NAALADL2: variants seen among roughly 807,000 people sequenced by gnomAD.
NAALADL2 encodes the protein N-acetylated alpha-linked acidic dipeptidase like 2.
In NAALADL2, 76 loss-of-function variants were observed where a neutral mutation model predicts 87.2. The ratio of observed to expected loss-of-function variants is 0.87; its 90% CI spans 0.72 to 1.05. The LOEUF (loss-of-function observed/expected upper bound fraction) is 1.05, where lower values mean the gene tolerates loss of function less well. Ranked by LOEUF, NAALADL2 falls within the 50% of genes least tolerant of loss-of-function variation. The probability of loss-of-function intolerance (pLI) is 0.00; values close to 1 mark genes in which losing one functional copy is unlikely to be tolerated. For missense variants in NAALADL2, 1,089 were observed against 945.8 expected, an observed-to-expected ratio of 1.15 and a Z score of -1.99; for synonymous variants, 354 against 331.0, an observed-to-expected ratio of 1.07 and a Z score of -0.75.
intron 1 of NAALADL2, among the ~76,000 whole-genome samples, chr3:175,002,561 A>G (rs1748398881): frequency 6.6e-6 from 1 of 152,182 alleles, no homozygotes. Flanking sequence ...ATCTCTCACA[A>G]TGAGCTGAAA....
chr3:175,728,463 G>C (rs1463767839), intron 11 of NAALADL2, among the ~76,000 whole-genome samples: 1 of 152,164 alleles, frequency 6.6e-6, no homozygotes, highest in Non-Finnish European at 1.5e-5. Context: ...GGATACTGCA[G>C]CTTTGGAAAG....
chr3:175,239,087 A>T (rs774678006), intron 3 of NAALADL2, among the ~76,000 whole-genome samples: 1 of 152,130 alleles, frequency 6.6e-6, no homozygotes, highest in Non-Finnish European at 1.5e-5. Context: ...TCAAAAACCT[A>T]CTTAGTGCCA....
At chr3:175,267,352 C>A (rs890745591) in intron 4 of NAALADL2, among the ~76,000 whole-genome samples, 1 of 151,960 alleles carries the variant, frequency 6.6e-6, no homozygotes, top group Non-Finnish European at 1.5e-5. Context: ...AAGGAACACA[C>A]CCTAATAAGG....
chr3:174,902,494 CTAAAA>C (rs933052644), intron 1 of NAALADL2, among the ~76,000 whole-genome samples: 4 of 151,802 alleles, frequency 2.6e-5, no homozygotes, highest in Non-Finnish European at 5.9e-5. Flanking sequence ...AATTCAGACT[CTAAAA>C]TAACTCAAAA....
intron 1 of NAALADL2, among the ~76,000 whole-genome samples, chr3:174,913,247 C>G (rs1270824812): frequency 6.6e-6 from 1 of 152,004 alleles, no homozygotes; most frequent in African/African-American, 2.4e-5. Context: ...ATTGCTAAAC[C>G]CTTCTTTAAT....
At chr3:175,522,525 C>T (rs1288440590) in intron 9 of NAALADL2, among the ~76,000 whole-genome samples, 1 of 152,178 alleles carries the variant, frequency 6.6e-6, no homozygotes, top group Non-Finnish European at 1.5e-5. Flanking sequence ...AGACTAGTGA[C>T]ATCTCAGTGA....
chr3:175,801,896 T>C (rs1327378813), intron 13 of NAALADL2, among the ~76,000 whole-genome samples: 1 of 152,122 alleles, frequency 6.6e-6, no homozygotes, highest in African/African-American at 2.4e-5. Context: ...GCAATTTGAC[T>C]AAGTTACAGG....
At chr3:175,737,719 T>TTTG (rs1553962792) in intron 12 of NAALADL2, among the ~76,000 whole-genome samples, 3 of 135,870 alleles carry the variant, frequency 2.2e-5, no homozygotes, top group Admixed American at 7.3e-5. Context: ...ATCCAGTTTT[T>TTTG]TTTTTTTTTT....
rs531886282 is a variant in NAALADL2 at position 174,465,166 on chromosome 3, A to G, written c.-184+24134A>G. On this transcript the variant is annotated intron_variant, in intron 1 of 3. Transcript: ENST00000434257. The stretch of plus-strand genomic sequence containing the variant: ...TGAATGATCCTTAAAGAGATTGAGT[A>G]TATAGTTATGATTCTCTGTGTGTGT... Among the ~76,000 whole-genome samples the G allele has an allele frequency of 5.9e-5, 9 of 152,162 alleles. No homozygotes were observed. In the South Asian group the frequency reaches 1.7e-3, roughly 28 times the overall value.
intron 1 of NAALADL2, among the ~76,000 whole-genome samples, chr3:175,057,140 T>C (rs1382655150): frequency 3.3e-5 from 5 of 152,192 alleles, no homozygotes; most frequent in Admixed American, 3.3e-4. Context: ...ACTCATTCAA[T>C]AATAACTGAA....
intron 3 of NAALADL2, among the ~76,000 whole-genome samples, chr3:175,251,000 C>T (rs1748962583): frequency 1.3e-5 from 2 of 152,130 alleles, no homozygotes; most frequent in Non-Finnish European, 2.9e-5. Context: ...GGCAACCTAT[C>T]TGATTTGGTT....
At chr3:174,497,917 A>G (rs1318035281) in intron 1 of NAALADL2, among the ~76,000 whole-genome samples, 2 of 152,190 alleles carry the variant, frequency 1.3e-5, no homozygotes, top group African/African-American at 4.8e-5. Context: ...CAAATTAGCA[A>G]AATATTTTCA....
rs190428588 is a variant in NAALADL2 at position 175,568,488 on chromosome 3, T to G, written c.1654-7553T>G. 5.3e-5 allele frequency among the ~76,000 whole-genome samples: 8 copies of G among 152,304 alleles called. No homozygotes were observed. In the East Asian group the frequency reaches 1.5e-3, roughly 29 times the overall value. ...GAAGTAGTTTATTCCCATGCGTTAA[T>G]GTGGTTTGTGAGCTGGATATATCAA... On this transcript the variant is annotated intron_variant, in intron 9 of 13. Transcript: ENST00000454872.
chr3:174,451,684 C>T (rs563158044), intron 1 of NAALADL2, among the ~76,000 whole-genome samples: 105 of 152,098 alleles, frequency 6.9e-4, no homozygotes, highest in Non-Finnish European at 1.2e-3. Context: ...GCCTTCTTTT[C>T]GGTTTACATA....
At chr3:174,904,180 G>A (rs1732689300) in intron 1 of NAALADL2, among the ~76,000 whole-genome samples, 1 of 151,684 alleles carries the variant, frequency 6.6e-6, no homozygotes, top group Non-Finnish European at 1.5e-5. Context: ...TCAGTAAGGG[G>A]CCAATCTGTG....
chr3:175,033,456 C>A (rs879374230), intron 1 of NAALADL2, among the ~76,000 whole-genome samples: 1 of 152,026 alleles, frequency 6.6e-6, no homozygotes, highest in South Asian at 2.1e-4. Context: ...TCCTTCTCAG[C>A]ATATGTCTAA....
At position 175,483,493 on chromosome 3, in the gene NAALADL2, A is replaced by AT. The variant is rs765069644; in HGVS notation, c.1653+11742dup. Among the ~76,000 whole-genome samples the AT allele has an allele frequency of 1.8e-4, 28 of 151,574 alleles. No homozygotes were observed. The East Asian group carries it at 4.5e-3, about 24-fold the overall frequency. On this transcript the variant is annotated intron_variant, in intron 9 of 13. Transcript: ENST00000454872. ...AATATGTCTCCTAATCTATCATTTA[A>AT]TTTTTTTCCACTTCTATTAATATTT...
chr3:175,134,859 A>G (rs966361541), intron 2 of NAALADL2, among the ~76,000 whole-genome samples: 6 of 152,212 alleles, frequency 3.9e-5, no homozygotes, highest in Admixed American at 3.9e-4. Flanking sequence ...AAATGCCTTT[A>G]AATTTTATCA....
intron 1 of NAALADL2, among the ~76,000 whole-genome samples, chr3:174,959,150 G>T (rs1168024777): frequency 6.6e-6 from 1 of 151,962 alleles, no homozygotes; most frequent in East Asian, 1.9e-4. Flanking sequence ...TTAGAATGCT[G>T]CAAGTTTTAG....
Sources: allele counts gnomAD v4.1 joint callset (sites outside exome capture counted in the v4.1 genomes callset), GRCh38; gene constraint gnomAD v4.1.1; transcripts MANE v1.5; gene names NCBI Gene and HGNC (gene_info 2026-07-23, HGNC 2026-07-21).